The following RGS10 variants were observed in gnomAD, a reference collection of about 807,000 sequenced individuals.
RGS10 encodes regulator of G protein signaling 10.
Under a neutral mutation model 23.5 loss-of-function variants are expected in RGS10, and 11 were observed. The ratio of observed to expected loss-of-function variants is 0.47; its 90% CI spans 0.29 to 0.77. RGS10 has a LOEUF of 0.77. Ranked by LOEUF, RGS10 falls within the 30% of genes least tolerant of loss-of-function variation. RGS10 has a pLI of 0.08. For synonymous variants in RGS10, 77 were observed against 83.2 expected (o/e 0.92, Z 0.41); for missense variants, 180 against 226.3 (o/e 0.80, Z 1.31).
intron 3 of RGS10, among the ~76,000 whole-genome samples, chr10:119,518,613 G>A (rs1464742787): frequency 2.0e-5 from 3 of 151,816 alleles, no homozygotes; most frequent in Non-Finnish European, 4.4e-5. Flanking sequence ...CACTGGCCCC[G>A]CCCTCCCCAA....
intron 4 of RGS10, among the ~76,000 whole-genome samples, chr10:119,506,345 G>A (rs1330861178): frequency 6.6e-6 from 1 of 152,254 alleles, no homozygotes; most frequent in Non-Finnish European, 1.5e-5. Flanking sequence ...GGGCCACACA[G>A]AAGGCTCTGT....
At chr10:119,529,766 AG>A in intron 1 of RGS10, among the ~76,000 whole-genome samples, 1 of 152,224 alleles carries the variant, frequency 6.6e-6, no homozygotes, top group East Asian at 1.9e-4. Context: ...TATAAAAAAA[AG>A]TTCAAATCTA....
At position 119,526,088 on chromosome 10, in the gene RGS10, T is replaced by C; in HGVS notation, c.199A>G (p.Asn67Asp). ...TCACATGCTAGCCAAAACAAAACATTTTCTTCACTGAATTCCTTTTTTAAA... is the reference window on the plus strand; with the variant it reads ...TCACATGCTAGCCAAAACAAAACATCTTCTTCACTGAATTCCTTTTTTAAA... ...EFLKKEFSEE[N>D]VLFWLACEDF... The change falls in exon 3 of 5, where the codon AAT (asparagine) becomes GAT (aspartate). Residue 67 changes from asparagine (N) to aspartate (D), a missense_variant. Physicochemically the swap from Asn to Asp is conservative, Grantham distance 23. Coordinates refer to ENST00000369103, the MANE Select transcript of RGS10 (RefSeq NM_001005339.2). The C allele has an allele frequency of 6.3e-7, 1 of 1,580,414 alleles. No individual in the cohort carries two copies. The highest frequency in any genetic ancestry group is 8.6e-7 in the Non-Finnish European group (1 of 1,159,622).
intron 4 of RGS10, among the ~76,000 whole-genome samples, chr10:119,508,676 C>A (rs1407523317): frequency 6.6e-6 from 1 of 152,202 alleles, no homozygotes; most frequent in Non-Finnish European, 1.5e-5. Flanking sequence ...TCATCGATTT[C>A]CTGCTAAGAA....
At chr10:119,518,707 TCCC>T (rs1564711912) in intron 3 of RGS10, among the ~76,000 whole-genome samples, 11 of 129,804 alleles carry the variant, frequency 8.5e-5, no homozygotes, top group Non-Finnish European at 8.8e-5. Flanking sequence ...CCACCCCCAA[TCCC>T]TCTTTTTTTT....
chr10:119,504,049 A>G lies in RGS10; in HGVS notation c.400-3790T>C, dbSNP rs564228389. On this transcript the variant is annotated intron_variant, in intron 4 of 4. Transcript: ENST00000369103. ...ACTCCCAACCATGAGGCCATCTGCC[A>G]CTCGCATGGCAGGACAATAAAAACG... 2.8e-3 allele frequency among the ~76,000 whole-genome samples: 434 copies of G among 152,318 alleles called. 1 individual carries two copies. Among genetic ancestry groups the G allele is most frequent in the African/African-American group, 9.9e-3 (411 of 41,574 alleles).
intron 3 of RGS10, among the ~76,000 whole-genome samples, chr10:119,523,383 G>C (rs1048522308): frequency 6.6e-6 from 1 of 152,212 alleles, no homozygotes; most frequent in African/African-American, 2.4e-5. Flanking sequence ...TCCTATGCTG[G>C]GCCGAGTACA....
chr10:119,523,796 G>A (rs551314721), intron 3 of RGS10, among the ~76,000 whole-genome samples: 2 of 152,278 alleles, frequency 1.3e-5, no homozygotes, highest in Admixed American at 1.3e-4. Flanking sequence ...TGACCTGAAA[G>A]GCTGGAAGAG....
chr10:119,515,984 G>T (rs1844138374), intron 3 of RGS10, among the ~76,000 whole-genome samples: 1 of 152,202 alleles, frequency 6.6e-6, no homozygotes, highest in African/African-American at 2.4e-5. Context: ...GGGCACAGTG[G>T]CTCATGCCTG....
chr10:119,500,047 C>T lies in RGS10; in HGVS notation c.*66G>A, dbSNP rs890111279. ...TTACAAATAACAAAGCAATGATAAACCCGGCACGGTCCTGAGAGGAAATTC... is the reference window on the plus strand; with the variant it reads ...TTACAAATAACAAAGCAATGATAAATCCGGCACGGTCCTGAGAGGAAATTC... On this transcript the variant is annotated 3_prime_UTR_variant, in exon 5 of 5. Transcript: ENST00000369103. The T allele has an allele frequency of 4.5e-6, 7 of 1,542,562 alleles. No individual in the cohort carries two copies. In the African/African-American group the frequency reaches 6.9e-5, roughly 15 times the overall value.
intron 1 of RGS10, among the ~76,000 whole-genome samples, chr10:119,541,981 A>C (rs1400765983): frequency 6.6e-6 from 1 of 152,250 alleles, no homozygotes; most frequent in Non-Finnish European, 1.5e-5. Context: ...ATCGTGGCTC[A>C]GGCTGGCCCA....
In RGS10 at chr10:119,515,672, C is replaced by A; in HGVS notation, c.256-20G>T. ...CTGCATCTGGAGGAGACAGATGGGG[C>A]CTTGTGCTATCTGCACACACAGCCT... On this transcript the variant is annotated intron_variant, in intron 3 of 4. Coordinates refer to ENST00000369103, the MANE Select transcript of RGS10 (RefSeq NM_001005339.2). 3.7e-6 allele frequency: 6 copies of A among 1,613,430 alleles called. No individual in the cohort carries two copies. Among genetic ancestry groups the A allele is most frequent in the Non-Finnish European group, 5.1e-6 (6 of 1,179,764 alleles).
At chr10:119,522,642 C>T (rs1173231875) in intron 3 of RGS10, among the ~76,000 whole-genome samples, 5 of 148,554 alleles carry the variant, frequency 3.4e-5, no homozygotes, top group Non-Finnish European at 5.9e-5. Flanking sequence ...CACTTGAACC[C>T]GGGAGGCGGA....
Position 119,527,444 on chromosome 10 carries a change from C to A in RGS10, c.50-20G>T, listed in dbSNP as rs1844288579. 3 of 1,581,174 alleles carry A rather than the reference C, an allele frequency of 1.9e-6. No individual in the cohort carries two copies. Among genetic ancestry groups the A allele is most frequent in the Admixed American group, 1.7e-5 (1 of 59,908 alleles). ...GGATGTCTGCAAAGCAAAGTTCAGA[C>A]TGCATATGTGGCCAACAGACACTGT... On this transcript the variant is annotated intron_variant, in intron 1 of 4. Coordinates refer to ENST00000369103, the MANE Select transcript of RGS10 (RefSeq NM_001005339.2). This position sits in a 1 kb window ranked among gnomAD's most constrained non-coding sequence, Gnocchi z 4.2.
At chr10:119,529,385 C>T (rs1205625197) in intron 1 of RGS10, among the ~76,000 whole-genome samples, 4 of 151,936 alleles carry the variant, frequency 2.6e-5, no homozygotes, top group Admixed American at 1.3e-4. Context: ...ACCTGGGAGG[C>T]GGAGGTTGCA....
intron 4 of RGS10, among the ~76,000 whole-genome samples, chr10:119,502,713 A>G (rs1843966238): frequency 6.6e-6 from 1 of 151,550 alleles, no homozygotes; most frequent in African/African-American, 2.4e-5. Flanking sequence ...GCCTGAGGGG[A>G]GGGGGCTGCG....
At chr10:119,506,225 C>T (rs1429740038) in intron 4 of RGS10, among the ~76,000 whole-genome samples, 2 of 152,232 alleles carry the variant, frequency 1.3e-5, no homozygotes, top group Admixed American at 1.3e-4. Flanking sequence ...GACCACCTCC[C>T]TCTCAAGTGG....
At chr10:119,536,350 G>A (rs1844386840) in intron 1 of RGS10, 1 of 918,682 alleles carries the variant, frequency 1.1e-6, no homozygotes, top group Non-Finnish European at 1.7e-6. Context: ...CCCTTCCACA[G>A]TCACCTGTGC....
At chr10:119,529,937 C>T (rs1844315799) in intron 1 of RGS10, among the ~76,000 whole-genome samples, 1 of 151,894 alleles carries the variant, frequency 6.6e-6, no homozygotes, top group Admixed American at 6.6e-5. Context: ...ACTAAAAATA[C>T]AAAAATTTGC....
Sources: allele counts gnomAD v4.1 joint callset (sites outside exome capture counted in the v4.1 genomes callset), GRCh38; gene constraint gnomAD v4.1.1; non-coding constraint Gnocchi (gnomAD v3.1); transcripts MANE v1.5; gene names NCBI Gene and HGNC (gene_info 2026-07-23, HGNC 2026-07-21).